The following TMED10 variants were observed in gnomAD, a reference collection of about 807,000 sequenced individuals.
The protein encoded by TMED10 is transmembrane emp24 domain-containing protein 10.
A neutral mutation model predicts 23.1 loss-of-function variants in TMED10; 7 were observed. That is an observed-to-expected ratio of 0.30 (90% CI 0.17 to 0.57). The LOEUF is 0.57. Ranked by LOEUF, TMED10 falls within the 20% of genes least tolerant of loss-of-function variation. The pLI is 0.91. For missense variants in TMED10, 162 were observed against 274.8 expected (o/e 0.59, Z 2.90); for synonymous variants, 113 against 106.9 (o/e 1.06, Z -0.35).
At chr14:75,149,106 A>G (rs1453947196) in intron 2 of TMED10, among the ~76,000 whole-genome samples, 2 of 152,106 alleles carry the variant, frequency 1.3e-5, no homozygotes, top group African/African-American at 2.4e-5. Context: ...TTGTAGAGAC[A>G]GGGTCTCGCT....
At chr14:75,157,871 C>T (rs1346808235) in intron 1 of TMED10, among the ~76,000 whole-genome samples, 1 of 150,528 alleles carries the variant, frequency 6.6e-6, no homozygotes, top group Non-Finnish European at 1.5e-5. Context: ...ACCTGGGAGG[C>T]GGAGGCTGCA....
chr14:75,163,552 C>CAAAAAAAAAAAAAAAAAAAAA, intron 1 of TMED10, among the ~76,000 whole-genome samples: 1 of 60,758 alleles, frequency 1.6e-5, no homozygotes. Context: ...GACTCCGTAT[C>CAAAAAAAAAAAAAAAAAAAAA]AAAAAAAAAA....
chr14:75,175,424 G>C (rs1896291139), intron 1 of TMED10, among the ~76,000 whole-genome samples: 1 of 152,164 alleles, frequency 6.6e-6, no homozygotes, highest in African/African-American at 2.4e-5. Flanking sequence ...GAAGGAATAA[G>C]GTTGCAGCGC....
chr14:75,147,819 T>G, intron 2 of TMED10, 82 bp from the exon 3 acceptor site: 1 of 781,770 alleles, frequency 1.3e-6, no homozygotes, highest in Non-Finnish European at 1.7e-6. Context: ...GCCCTCCCTC[T>G]ACAGAACCCC....
At chr14:75,167,930 T>C (rs1896185273) in intron 1 of TMED10, among the ~76,000 whole-genome samples, 1 of 152,156 alleles carries the variant, frequency 6.6e-6, no homozygotes. Flanking sequence ...AAATGACGAG[T>C]TGATACTTCC....
At position 75,154,542 on chromosome 14, in the gene TMED10, G is replaced by A. The variant is rs141717315; in HGVS notation, c.226-2399C>T. The stretch of plus-strand genomic sequence containing the variant: ...TATCACTACTAGATAAATTTGAAAT[G>A]ACAGATTAACTAAAAAAAGTTTTAT... On this transcript the variant is annotated intron_variant, in intron 1 of 4. Coordinates refer to ENST00000303575, the MANE Select transcript of TMED10 (RefSeq NM_006827.6). Among the ~76,000 whole-genome samples, 13 of 149,364 alleles carry A rather than the reference G, an allele frequency of 8.7e-5. No homozygotes were observed. The East Asian group carries it at 2.6e-3, about 30-fold the overall frequency.
chr14:75,176,046 C>A (rs767078266), intron 1 of TMED10: 2 of 417,440 alleles, frequency 4.8e-6, no homozygotes, highest in South Asian at 5.1e-5. Flanking sequence ...ATTTGGAGAA[C>A]CAAATTACGG....
intron 1 of TMED10, 144 bp from the exon 2 acceptor site, chr14:75,152,287 C>T: frequency 1.6e-6 from 1 of 641,374 alleles, no homozygotes; most frequent in Non-Finnish European, 2.6e-6. Context: ...TCCCCAAAGA[C>T]AAAAACTGGA....
At chr14:75,170,449 A>C (rs191503087) in intron 1 of TMED10, among the ~76,000 whole-genome samples, 2 of 152,338 alleles carry the variant, frequency 1.3e-5, no homozygotes, top group East Asian at 3.9e-4. Flanking sequence ...GACATATACA[A>C]GATAAGCCTA....
chr14:75,147,301 G>A (rs1046560220), intron 3 of TMED10, among the ~76,000 whole-genome samples: 2 of 149,964 alleles, frequency 1.3e-5, no homozygotes, highest in African/African-American at 5.0e-5. Flanking sequence ...CAATTCTCCT[G>A]CCTCAGCCTC....
At chr14:75,148,040 G>T in intron 2 of TMED10, 1 of 438,156 alleles carries the variant, frequency 2.3e-6, no homozygotes, top group Admixed American at 3.4e-5. Flanking sequence ...CAGAACAGAA[G>T]GGAAACCACA....
rs148001947 is a variant in TMED10, at chr14:75,145,339, G to A, written c.411+2325C>T. Among the ~76,000 whole-genome samples the A allele has an allele frequency of 1.6e-3, 239 of 152,290 alleles. 2 individuals carry two copies. Among genetic ancestry groups the A allele is most frequent in the Admixed American group, 0.014 (209 of 15,300 alleles). ...CCTAATGTCTATAAAGTCCAAGGATGATGGAAATTCCAGGAGGTATAGGGG... is the reference window on the plus strand; with the variant it reads ...CCTAATGTCTATAAAGTCCAAGGATAATGGAAATTCCAGGAGGTATAGGGG... On this transcript the variant is annotated intron_variant, in intron 3 of 4. Coordinates refer to ENST00000303575, the MANE Select transcript of TMED10 (RefSeq NM_006827.6).
At chr14:75,165,345 A>G (rs1896147202) in intron 1 of TMED10, among the ~76,000 whole-genome samples, 1 of 152,098 alleles carries the variant, frequency 6.6e-6, no homozygotes. Flanking sequence ...CTCCTGCCTC[A>G]GCCTCCCGAG....
intron 4 of TMED10, among the ~76,000 whole-genome samples, chr14:75,135,367 G>A (rs1895736521): frequency 6.6e-6 from 1 of 152,138 alleles, no homozygotes; most frequent in South Asian, 2.1e-4. Flanking sequence ...TTGAACCCAG[G>A]AGGCGGAGGT....
intron 1 of TMED10, among the ~76,000 whole-genome samples, chr14:75,174,396 T>C (rs1174227362): frequency 1.3e-5 from 2 of 152,058 alleles, no homozygotes; most frequent in African/African-American, 4.8e-5. Context: ...AGTGAGCCAC[T>C]GAAGGGCTTT....
chr14:75,170,706 A>G (rs951376837), intron 1 of TMED10, among the ~76,000 whole-genome samples: 1 of 152,232 alleles, frequency 6.6e-6, no homozygotes, highest in African/African-American at 2.4e-5. Flanking sequence ...ACAATTCCTT[A>G]CTCTGACAAT....
At chr14:75,146,685 T>C (rs912838651) in intron 3 of TMED10, among the ~76,000 whole-genome samples, 1 of 152,150 alleles carries the variant, frequency 6.6e-6, no homozygotes, top group Admixed American at 6.6e-5. Flanking sequence ...TCCATCTCCC[T>C]GTCACCCAAA....
At chr14:75,166,772 A>G (rs4899548) in intron 1 of TMED10, among the ~76,000 whole-genome samples, 152,200 of 152,272 alleles carry the variant, frequency 1, 76,064 homozygotes, top group Middle Eastern at 1. Flanking sequence ...TGAACCATCT[A>G]TTTATTGACC....
chr14:75,158,976 T>C (rs984406512), intron 1 of TMED10, among the ~76,000 whole-genome samples: 1 of 152,042 alleles, frequency 6.6e-6, no homozygotes, highest in Admixed American at 6.6e-5. Context: ...TACACACATA[T>C]CAGTCAAAAA....
Sources: gnomAD v4.1 joint callset for allele counts (sites outside exome capture counted in the v4.1 genomes callset) on GRCh38, gnomAD v4.1.1 for gene constraint, MANE v1.5 for transcripts, NCBI Gene and HGNC (gene_info 2026-07-23, HGNC 2026-07-21) for gene names.